LRRC4C: variants seen among roughly 807,000 people sequenced by gnomAD.
LRRC4C encodes the protein leucine rich repeat containing 4C, also known as leucine-rich repeat-containing protein 4C.
A neutral mutation model predicts 33.6 loss-of-function variants in LRRC4C; 5 were observed. That is an observed-to-expected ratio of 0.15 (90% CI 0.08 to 0.31). The LOEUF (loss-of-function observed/expected upper bound fraction) is 0.31. Ranked by LOEUF, LRRC4C falls within the 10% of genes least tolerant of loss-of-function variation. LRRC4C has a pLI of 1.00. For missense variants in LRRC4C, 560 were observed against 796.7 expected, an observed-to-expected ratio of 0.70 and a Z score of 3.58; for synonymous variants, 329 against 302.0, an observed-to-expected ratio of 1.09 and a Z score of -0.93.
chr11:40,477,715 T>G (rs76193309), intron 3 of LRRC4C, among the ~76,000 whole-genome samples: 1 of 152,112 alleles, frequency 6.6e-6, no homozygotes, highest in African/African-American at 2.4e-5. Flanking sequence ...GTGAATTGCT[T>G]AGCAGCCACC....
chr11:41,228,442 G>A (rs1264893004), intron 1 of LRRC4C, among the ~76,000 whole-genome samples: 3 of 152,028 alleles, frequency 2.0e-5, no homozygotes, highest in Admixed American at 6.6e-5. Context: ...TTCTGTTGGG[G>A]CATCTGGTCT....
chr11:41,279,588 A>G (rs1591142277), intron 1 of LRRC4C, among the ~76,000 whole-genome samples: 1 of 151,942 alleles, frequency 6.6e-6, no homozygotes, highest in East Asian at 1.9e-4. Context: ...CCCTGTCCCA[A>G]TCTACTTCCC....
chr11:41,007,514 A>T (rs1179430613), intron 1 of LRRC4C, among the ~76,000 whole-genome samples: 1 of 152,090 alleles, frequency 6.6e-6, no homozygotes, highest in African/African-American at 2.4e-5. Context: ...ATGTAGCAAT[A>T]CCACTTCTAG....
chr11:41,124,538 T>C (rs1258480056), intron 1 of LRRC4C, among the ~76,000 whole-genome samples: 1 of 152,314 alleles, frequency 6.6e-6, no homozygotes, highest in East Asian at 1.9e-4. Context: ...AAAATTCCTA[T>C]ATAACAAACT....
In LRRC4C at chr11:40,149,863, G is replaced by A. The variant is rs549983517; in HGVS notation, c.-95-9010C>T. On this transcript the variant is annotated intron_variant, in intron 5 of 6. Coordinates refer to ENST00000528697, the MANE Select transcript of LRRC4C (RefSeq NM_001258419.2). ...GGCCAGTCTAGTAGACATAACAGGGGCAGGCAAAAGAGTCAGAGATGTGGG... is the reference window on the plus strand; with the variant it reads ...GGCCAGTCTAGTAGACATAACAGGGACAGGCAAAAGAGTCAGAGATGTGGG... Among the ~76,000 whole-genome samples the A allele has an allele frequency of 6.6e-5, 10 of 152,222 alleles. No homozygotes were observed. The South Asian group carries it at 2.1e-3, about 32-fold the overall frequency.
rs556926305 is a variant in LRRC4C at position 40,531,475 on chromosome 11, C to A, written c.-270+116667G>T. On this transcript the variant is annotated intron_variant, in intron 3 of 6. Coordinates refer to ENST00000528697, the MANE Select transcript of LRRC4C (RefSeq NM_001258419.2). ...ATTGAATTAAGTTGCAGAGAAGGAA[C>A]AGATAGAAGAAAAAAAAGAATTAAG... Among the ~76,000 whole-genome samples, 60 of 151,940 alleles carry A rather than the reference C, an allele frequency of 3.9e-4. 1 individual carries two copies. The South Asian group carries it at 8.3e-3, about 21-fold the overall frequency.
chr11:41,178,647 T>C (rs778330946), intron 1 of LRRC4C, among the ~76,000 whole-genome samples: 2 of 152,072 alleles, frequency 1.3e-5, no homozygotes, highest in Non-Finnish European at 2.9e-5. Context: ...ATGAACCACG[T>C]TGCCTAGCCC....
intron 1 of LRRC4C, among the ~76,000 whole-genome samples, chr11:41,057,257 GGGTGTTCACACACTCGAGGCAGT>G (rs1328291531): frequency 6.6e-6 from 1 of 152,174 alleles, no homozygotes; most frequent in Admixed American, 6.5e-5. Flanking sequence ...CAGCCCAGCT[GGGTGTTCACACACTCGAGGCAGT>G]GCTGAAACAC....
chr11:40,275,851 C>CCACT (rs1321284869), intron 4 of LRRC4C, among the ~76,000 whole-genome samples: 1 of 152,094 alleles, frequency 6.6e-6, no homozygotes, highest in Admixed American at 6.6e-5. Flanking sequence ...TATAGACTAT[C>CCACT]CACTATATGT....
intron 1 of LRRC4C, among the ~76,000 whole-genome samples, chr11:41,175,368 G>A (rs903956565): frequency 6.6e-6 from 1 of 152,154 alleles, no homozygotes; most frequent in East Asian, 1.9e-4. Flanking sequence ...ATTACCAAAT[G>A]TGAATGGCTT....
chr11:40,269,968 T>C (rs1328790507), intron 4 of LRRC4C, among the ~76,000 whole-genome samples: 1 of 152,144 alleles, frequency 6.6e-6, no homozygotes, highest in Non-Finnish European at 1.5e-5. Context: ...ACCTGAAACA[T>C]ATAAAACCAT....
intron 2 of LRRC4C, among the ~76,000 whole-genome samples, chr11:40,910,084 A>G (rs1397528414): frequency 2.0e-5 from 3 of 152,090 alleles, no homozygotes; most frequent in African/African-American, 7.2e-5. Flanking sequence ...TGTATTTAAA[A>G]CTTGTTGGTC....
At chr11:41,143,157 T>C (rs554854096) in intron 1 of LRRC4C, among the ~76,000 whole-genome samples, 2 of 151,662 alleles carry the variant, frequency 1.3e-5, no homozygotes, top group Non-Finnish European at 2.9e-5. Context: ...TCTGAAGCAA[T>C]GCAGAATACA....
intron 2 of LRRC4C, among the ~76,000 whole-genome samples, chr11:40,712,698 C>T (rs1321715569): frequency 6.6e-6 from 1 of 151,940 alleles, no homozygotes; most frequent in East Asian, 1.9e-4. Flanking sequence ...TGTCTCAGGA[C>T]CACCTTAAAA....
intron 3 of LRRC4C, among the ~76,000 whole-genome samples, chr11:40,545,609 A>G (rs1956881821): frequency 6.6e-6 from 1 of 151,998 alleles, no homozygotes; most frequent in African/African-American, 2.4e-5. Context: ...AGACCCCTCT[A>G]TTGCTGTGTT....
At chr11:41,026,520 T>C (rs146176257) in intron 1 of LRRC4C, among the ~76,000 whole-genome samples, 1 of 151,700 alleles carries the variant, frequency 6.6e-6, no homozygotes, top group Admixed American at 6.6e-5. Flanking sequence ...GTGGCAGAGT[T>C]TGCAGATTGA....
intron 1 of LRRC4C, among the ~76,000 whole-genome samples, chr11:41,025,999 C>CT (rs753280800): frequency 6.6e-6 from 1 of 151,692 alleles, no homozygotes; most frequent in Non-Finnish European, 1.5e-5. Context: ...CCCAAAAGCT[C>CT]TGGTAGGAGA....
intron 3 of LRRC4C, among the ~76,000 whole-genome samples, chr11:40,434,826 T>C (rs1951081863): frequency 1.3e-5 from 2 of 152,196 alleles, no homozygotes; most frequent in Admixed American, 1.3e-4. Context: ...ATAAATGTTT[T>C]ATTTTGCCTG....
intron 1 of LRRC4C, among the ~76,000 whole-genome samples, chr11:41,197,864 A>C (rs12421301): frequency 0.2 from 29,735 of 151,822 alleles, 3,517 homozygotes; most frequent in East Asian, 0.43. Context: ...CAAATGGCTC[A>C]TCACAATGCC....
Sources: gnomAD v4.1 joint callset for allele counts (sites outside exome capture counted in the v4.1 genomes callset) on GRCh38, gnomAD v4.1.1 for gene constraint, MANE v1.5 for transcripts, NCBI Gene and HGNC (gene_info 2026-07-23, HGNC 2026-07-21) for gene names.